SNX29: variants seen among roughly 807,000 people sequenced by gnomAD.
SNX29 encodes sorting nexin-29.
In SNX29, 78 loss-of-function variants were observed where a neutral mutation model predicts 102.1. That is an observed-to-expected ratio of 0.76 (90% CI 0.64 to 0.92). SNX29 has a LOEUF of 0.92. SNX29 is among the 40% of genes least tolerant of loss of function. SNX29 has a pLI of 0.00. For missense variants in SNX29, 1,280 were observed against 1,061.7 expected, an observed-to-expected ratio of 1.21 and a Z score of -2.86; for synonymous variants, 580 against 414.5, an observed-to-expected ratio of 1.40 and a Z score of -4.85.
At chr16:12,145,786 G>T (rs1453842093) in intron 13 of SNX29, among the ~76,000 whole-genome samples, 4 of 152,182 alleles carry the variant, frequency 2.6e-5, no homozygotes, top group African/African-American at 4.8e-5. Flanking sequence ...TCACTTGATG[G>T]CTTTGTGGAG....
At chr16:12,346,530 C>G (rs768066825) in intron 15 of SNX29, among the ~76,000 whole-genome samples, 10 of 152,242 alleles carry the variant, frequency 6.6e-5, no homozygotes, top group Middle Eastern at 3.4e-3. Flanking sequence ...AATGGCCTGC[C>G]TCTGGCGTTC....
At chr16:12,398,590 G>C in intron 17 of SNX29, 89 bp downstream of exon 17, 7 of 1,458,766 alleles carry the variant, frequency 4.8e-6, no homozygotes, top group Non-Finnish European at 6.7e-6. Flanking sequence ...GGGGGAAACA[G>C]AAATCACTGT....
At chr16:12,557,025 C>CCCT (rs1555458245) in intron 20 of SNX29, among the ~76,000 whole-genome samples, 1 of 20,392 alleles carries the variant, frequency 4.9e-5, no homozygotes, top group Admixed American at 3.3e-4. Context: ...ACCCCCCCCC[C>CCCT]GCCCCAAGAT....
At chr16:11,980,729 T>C (rs546740628) in intron 1 of SNX29, among the ~76,000 whole-genome samples, 1 of 152,290 alleles carries the variant, frequency 6.6e-6, no homozygotes, top group East Asian at 1.9e-4. Context: ...TAGTTTTGAT[T>C]TGCATTTCCC....
chr16:12,199,777 G>A (rs1362634852), intron 14 of SNX29, 94 bp downstream of exon 14: 17 of 1,037,762 alleles, frequency 1.6e-5, no homozygotes, highest in Non-Finnish European at 2.3e-5. Context: ...TGTGACGAGT[G>A]CATATGTGGA....
intron 15 of SNX29, among the ~76,000 whole-genome samples, chr16:12,283,031 C>T (rs751985973): frequency 2.0e-5 from 3 of 152,184 alleles, no homozygotes; most frequent in Admixed American, 1.3e-4. Flanking sequence ...CACATGGGTT[C>T]TGGAGAGGAG....
intron 18 of SNX29, among the ~76,000 whole-genome samples, chr16:12,444,784 A>G (rs993700456): frequency 3.3e-5 from 5 of 151,440 alleles, no homozygotes; most frequent in East Asian, 3.9e-4. Flanking sequence ...CCTCTAGATC[A>G]GGGGTGAGCA....
At chr16:12,378,388 G>A (rs2082952354) in intron 16 of SNX29, among the ~76,000 whole-genome samples, 1 of 152,204 alleles carries the variant, frequency 6.6e-6, no homozygotes, top group African/African-American at 2.4e-5. Context: ...GGTGGCTCAT[G>A]CCTGTAATCC....
chr16:12,177,067 C>T (rs2076276676), intron 13 of SNX29, among the ~76,000 whole-genome samples: 1 of 152,160 alleles, frequency 6.6e-6, no homozygotes, highest in Non-Finnish European at 1.5e-5. Context: ...CCTACCTCAG[C>T]CTCCTGAATA....
At chr16:11,984,957 C>G (rs1421337964) in intron 1 of SNX29, among the ~76,000 whole-genome samples, 1 of 152,066 alleles carries the variant, frequency 6.6e-6, no homozygotes, top group African/African-American at 2.4e-5. Context: ...ACCTGGCTTT[C>G]CTTCTTTCTT....
chr16:12,162,451 C>T (rs1462330238), intron 13 of SNX29, among the ~76,000 whole-genome samples: 2 of 152,168 alleles, frequency 1.3e-5, no homozygotes, highest in Admixed American at 6.5e-5. Context: ...CTTTGCAGGC[C>T]ATATGGTCTC....
intron 19 of SNX29, among the ~76,000 whole-genome samples, chr16:12,493,102 C>A (rs954897214): frequency 2.7e-4 from 41 of 152,186 alleles, no homozygotes; most frequent in African/African-American, 8.7e-4. Flanking sequence ...GATGGCATTG[C>A]ATCTATAAAT....
In SNX29 at chr16:12,573,258, A is replaced by G. The variant is rs764666475; in HGVS notation, c.*4629A>G. ...TTGTTGAAATGTACCTCGATCAGTC[A>G]TCTCTGGTATTCCTCACTCTAGCCA... On this transcript the variant is annotated 3_prime_UTR_variant, in exon 21 of 21. Coordinates refer to ENST00000566228, the MANE Select transcript of SNX29 (RefSeq NM_032167.5). The G allele has an allele frequency of 5.3e-5, 12 of 227,224 alleles. No individual in the cohort carries two copies. The highest frequency in any genetic ancestry group is 3.6e-4 in the South Asian group (2 of 5,480). The allele number at this position is 227,224 out of a possible 1,614,324, so 14.1% of individuals were successfully genotyped here.
At chr16:12,002,670 G>C (rs1214041976) in intron 2 of SNX29, among the ~76,000 whole-genome samples, 1 of 152,222 alleles carries the variant, frequency 6.6e-6, no homozygotes, top group Non-Finnish European at 1.5e-5. Flanking sequence ...ACAGTCAGCT[G>C]CCGACAGGCA....
chr16:12,168,132 A>G (rs548231041), intron 13 of SNX29, among the ~76,000 whole-genome samples: 2 of 152,302 alleles, frequency 1.3e-5, no homozygotes, highest in South Asian at 2.1e-4. Context: ...CTTTAGTACA[A>G]AGAGAGAATT....
rs191110357 is a variant in SNX29 at position 12,033,591 on chromosome 16, A to G, written c.247+6147A>G. ...TTCTTCCATCAAACCTATGTATGGA[A>G]CTACCCGTTTTCTTTTTTCTTTTTT... On this transcript the variant is annotated intron_variant, in intron 4 of 20. Transcript: ENST00000566228. 8.1e-3 allele frequency among the ~76,000 whole-genome samples: 1,221 copies of G among 150,280 alleles called. 4 individuals carry two copies. Among genetic ancestry groups the G allele is most frequent in the Non-Finnish European group, 0.012 (802 of 67,718 alleles).
At chr16:12,288,893 CT>C (rs2079697537) in intron 15 of SNX29, among the ~76,000 whole-genome samples, 1 of 152,152 alleles carries the variant, frequency 6.6e-6, no homozygotes, top group Non-Finnish European at 1.5e-5. Context: ...ATTTGACCCC[CT>C]GACTGACCCC....
chr16:12,274,478 T>C (rs1050522255), intron 14 of SNX29, among the ~76,000 whole-genome samples: 3 of 152,148 alleles, frequency 2.0e-5, no homozygotes, highest in Non-Finnish European at 4.4e-5. Context: ...CTGTGTGTTA[T>C]CTTTTTCTCC....
At chr16:12,396,646 G>A (rs563516010) in intron 16 of SNX29, among the ~76,000 whole-genome samples, 14 of 152,176 alleles carry the variant, frequency 9.2e-5, no homozygotes, top group South Asian at 2.1e-4. Flanking sequence ...TGTCTAGAAC[G>A]GGGCGTGGCC....
Sources: allele counts gnomAD v4.1 joint callset (sites outside exome capture counted in the v4.1 genomes callset), GRCh38; gene constraint gnomAD v4.1.1; transcripts MANE v1.5; gene names NCBI Gene and HGNC (gene_info 2026-07-23, HGNC 2026-07-21).